The following EYS variants were observed in gnomAD, a reference collection of about 807,000 sequenced individuals.
The protein encoded by EYS is protein eyes shut homolog.
A neutral mutation model predicts 282.1 loss-of-function variants in EYS; 250 were observed. The ratio of observed to expected loss-of-function variants is 0.89; its 90% CI spans 0.80 to 0.98. EYS has a LOEUF of 0.98. Among genes scored for constraint, EYS ranks in the 50% least tolerant of loss-of-function variants. The pLI, the probability that EYS is intolerant of heterozygous loss-of-function variation, is 0.00. For missense variants in EYS, 4,016 were observed against 3,709.0 expected, an observed-to-expected ratio of 1.08 and a Z score of -2.15; for synonymous variants, 1,355 against 1,282.9, an observed-to-expected ratio of 1.06 and a Z score of -1.20.
At chr6:64,880,527 G>A (rs1766880836) in intron 19 of EYS, among the ~76,000 whole-genome samples, 1 of 151,352 alleles carries the variant, frequency 6.6e-6, no homozygotes, top group Admixed American at 6.6e-5. Flanking sequence ...ATACACATTT[G>A]TATATCTGTG....
At chr6:65,260,778 G>A (rs926274435) in intron 12 of EYS, among the ~76,000 whole-genome samples, 1 of 151,736 alleles carries the variant, frequency 6.6e-6, no homozygotes, top group African/African-American at 2.4e-5. Flanking sequence ...GGGTAAAAAA[G>A]CACAAAAAAA....
At chr6:65,143,847 T>G (rs1199118453) in intron 12 of EYS, among the ~76,000 whole-genome samples, 8 of 152,110 alleles carry the variant, frequency 5.3e-5, no homozygotes, top group African/African-American at 1.9e-4. Context: ...GCACAGAATC[T>G]GCCTACAGCA....
chr6:63,859,092 T>TG (rs1772469637), intron 36 of EYS, among the ~76,000 whole-genome samples: 1 of 123,078 alleles, frequency 8.1e-6, no homozygotes, highest in South Asian at 2.8e-4. Flanking sequence ...TTTTTTTTTT[T>TG]TTTTTTTTTT....
At chr6:64,528,381 C>G (rs1298474977) in intron 26 of EYS, among the ~76,000 whole-genome samples, 1 of 151,760 alleles carries the variant, frequency 6.6e-6, no homozygotes, top group African/African-American at 2.4e-5. Flanking sequence ...TTATGGCTCT[C>G]AATTCCAGGG....
intron 40 of EYS, among the ~76,000 whole-genome samples, chr6:63,769,129 C>G (rs753147980): frequency 6.6e-6 from 1 of 151,870 alleles, no homozygotes; most frequent in African/African-American, 2.4e-5. Flanking sequence ...GTACTATGCT[C>G]ACTATCTGGG....
At chr6:64,138,405 G>A (rs112232582) in intron 31 of EYS, among the ~76,000 whole-genome samples, 1,868 of 152,230 alleles carry the variant, frequency 0.012, 35 homozygotes, top group African/African-American at 0.042. Flanking sequence ...GAACAGAGAA[G>A]GAAGGGTTGG....
intron 1 of EYS, among the ~76,000 whole-genome samples, chr6:65,689,621 G>T (rs1327957227): frequency 6.7e-6 from 1 of 150,122 alleles, no homozygotes; most frequent in Non-Finnish European, 1.5e-5. Context: ...ATATAGATAT[G>T]TTTAATAATA....
intron 22 of EYS, among the ~76,000 whole-genome samples, chr6:64,803,694 T>C (rs1326031159): frequency 1.3e-5 from 2 of 152,162 alleles, no homozygotes; most frequent in South Asian, 4.1e-4. Context: ...CTCCCTCTTG[T>C]GTTTGTCAGT....
intron 33 of EYS, among the ~76,000 whole-genome samples, chr6:64,030,482 G>A (rs1160777390): frequency 6.6e-6 from 1 of 152,174 alleles, no homozygotes; most frequent in Non-Finnish European, 1.5e-5. Flanking sequence ...CCGAGGACTA[G>A]ACCTCCTCAC....
At chr6:64,674,765 T>TAC (rs57185055) in intron 22 of EYS, among the ~76,000 whole-genome samples, 28,078 of 150,128 alleles carry the variant, frequency 0.19, 3,235 homozygotes, top group East Asian at 0.35. Context: ...CATATATACA[T>TAC]ACACACACAC....
chr6:64,125,404 CT>C (rs527569208), intron 31 of EYS, among the ~76,000 whole-genome samples: 3,286 of 144,874 alleles, frequency 0.023, 80 homozygotes, highest in African/African-American at 0.063. Flanking sequence ...GAAAGGAGCA[CT>C]TTTTTTTTTT....
At chr6:64,123,005 A>G (rs1773641179) in intron 31 of EYS, among the ~76,000 whole-genome samples, 1 of 152,154 alleles carries the variant, frequency 6.6e-6, no homozygotes, top group African/African-American at 2.4e-5. Flanking sequence ...GAGTTACAAT[A>G]TCATGAAACT....
At chr6:64,399,916 G>A (rs1478432282) in intron 28 of EYS, among the ~76,000 whole-genome samples, 5 of 152,000 alleles carry the variant, frequency 3.3e-5, no homozygotes, top group African/African-American at 1.2e-4. Flanking sequence ...CACAATTCAT[G>A]TCTCTCTCAA....
intron 22 of EYS, 121 bp from the exon 23 acceptor site, chr6:64,626,366 G>A (rs1767610765): frequency 8.3e-7 from 1 of 1,209,382 alleles, no homozygotes; most frequent in East Asian, 2.7e-5. Flanking sequence ...GTAGCTGGGA[G>A]CCTTCCTTGG....
intron 22 of EYS, among the ~76,000 whole-genome samples, chr6:64,727,170 C>T (rs992983164): frequency 3.9e-5 from 6 of 152,084 alleles, no homozygotes; most frequent in African/African-American, 1.2e-4. Flanking sequence ...ATCAAGCTAT[C>T]GATACGCTCT....
chr6:64,810,624 T>A (rs1163940690), intron 22 of EYS, among the ~76,000 whole-genome samples: 1 of 152,080 alleles, frequency 6.6e-6, no homozygotes, highest in African/African-American at 2.4e-5. Context: ...AAATTTCAAT[T>A]GGAAAAAATA....
At chr6:64,283,904 G>A (rs1304921605) in intron 30 of EYS, among the ~76,000 whole-genome samples, 3 of 152,082 alleles carry the variant, frequency 2.0e-5, no homozygotes, top group Non-Finnish European at 4.4e-5. Flanking sequence ...GGGGGGAACC[G>A]CCTCCACGAT....
intron 13 of EYS, among the ~76,000 whole-genome samples, chr6:65,032,952 G>T (rs1772650499): frequency 6.6e-6 from 1 of 152,168 alleles, no homozygotes; most frequent in South Asian, 2.1e-4. Context: ...AGCCCAGGTT[G>T]CTGAGGTCTC....
rs1769912766 is a variant in EYS, at chr6:65,707,210, G to GT, written c.-524dup. 1 of 152,092 alleles carries GT rather than the reference G, an allele frequency of 6.6e-6. No individual in the cohort carries two copies. Among genetic ancestry groups the GT allele is most frequent in the Non-Finnish European group, 1.5e-5 (1 of 68,014 alleles). 9.4% of individuals were successfully genotyped at this position (152,092 alleles called of 1,614,324 possible). ...GTTAATGTCTGGACATGCCTAGCGT[G>GT]TATCACTTTGTTTCTCAGAAGCCTA... On this transcript the variant is annotated 5_prime_UTR_variant, in exon 1 of 43. Transcript: ENST00000503581.
Sources: gnomAD v4.1 joint callset for allele counts (sites outside exome capture counted in the v4.1 genomes callset) on GRCh38, gnomAD v4.1.1 for gene constraint, MANE v1.5 for transcripts, NCBI Gene and HGNC (gene_info 2026-07-23, HGNC 2026-07-21) for gene names.